SLCO3A1: variants seen among roughly 807,000 people sequenced by gnomAD.
SLCO3A1 encodes PGE1 transporter.
Under a neutral mutation model 63.1 loss-of-function variants are expected in SLCO3A1, and 27 were observed. The ratio of observed to expected loss-of-function variants is 0.43; its 90% CI spans 0.32 to 0.59. SLCO3A1 has a LOEUF of 0.59. Among genes scored for constraint, SLCO3A1 ranks in the 20% least tolerant of loss-of-function variants. The probability of loss-of-function intolerance (pLI) is 0.09; values close to 1 mark genes in which losing one functional copy is unlikely to be tolerated. For missense variants in SLCO3A1, 773 were observed against 945.8 expected, an observed-to-expected ratio of 0.82 and a Z score of 2.40; for synonymous variants, 473 against 409.9, an observed-to-expected ratio of 1.15 and a Z score of -1.86.
chr15:92,083,761 C>A (rs1231442830), intron 2 of SLCO3A1, among the ~76,000 whole-genome samples: 2 of 152,170 alleles, frequency 1.3e-5, no homozygotes, highest in Non-Finnish European at 2.9e-5. Context: ...GTGCTGTCAT[C>A]TTTGTAATAA....
intron 2 of SLCO3A1, among the ~76,000 whole-genome samples, chr15:91,924,366 T>A (rs1222123801): frequency 6.6e-6 from 1 of 152,170 alleles, no homozygotes; most frequent in South Asian, 2.1e-4. Flanking sequence ...TGAAATCTTC[T>A]CCAAGCCCTT....
chr15:91,903,673 C>A (rs1898218814), intron 1 of SLCO3A1, among the ~76,000 whole-genome samples: 1 of 152,114 alleles, frequency 6.6e-6, no homozygotes, highest in South Asian at 2.1e-4. Context: ...AGGCATATGT[C>A]CTACGCAGCT....
intron 2 of SLCO3A1, among the ~76,000 whole-genome samples, chr15:91,927,683 T>G (rs1899078694): frequency 6.6e-6 from 1 of 152,144 alleles, no homozygotes; most frequent in African/African-American, 2.4e-5. Context: ...GGCCAATGGG[T>G]GTGATTTCTC....
In SLCO3A1 at chr15:91,944,014, T is replaced by C. The variant is rs534702645; in HGVS notation, c.646+27556T>C. 1.2e-4 allele frequency among the ~76,000 whole-genome samples: 18 copies of C among 152,304 alleles called. No homozygotes were observed. In the South Asian group the frequency reaches 2.3e-3, roughly 19 times the overall value. Reference sequence around the variant, plus strand: ...ATTAGCTGCTCTTCATTGGAAACTTTTGAGCGTGCCATTTGCTACCTGCAC... The same window carrying C: ...ATTAGCTGCTCTTCATTGGAAACTTCTGAGCGTGCCATTTGCTACCTGCAC... On this transcript the variant is annotated intron_variant, in intron 2 of 9. Transcript: ENST00000318445.
intron 2 of SLCO3A1, among the ~76,000 whole-genome samples, chr15:91,921,018 G>T (rs528807739): frequency 6.6e-6 from 1 of 152,316 alleles, no homozygotes; most frequent in Admixed American, 6.5e-5. Flanking sequence ...GGGATATGGC[G>T]TTGTATTAGT....
intron 4 of SLCO3A1, among the ~76,000 whole-genome samples, chr15:92,110,374 C>G (rs207961): frequency 0.31 from 46,970 of 152,084 alleles, 7,348 homozygotes; most frequent in South Asian, 0.35. Flanking sequence ...CAGAACACAT[C>G]TGATCAAGTT....
chr15:92,072,289 A>G (rs2047225811), intron 2 of SLCO3A1, among the ~76,000 whole-genome samples: 1 of 151,194 alleles, frequency 6.6e-6, no homozygotes, highest in Admixed American at 6.6e-5. Context: ...TATTTACTCA[A>G]CCTTTGTTTT....
In SLCO3A1 at chr15:91,854,642, C is replaced by T. The variant is rs1280470565; in HGVS notation, c.180+554C>T. On this transcript the variant is annotated intron_variant, in intron 1 of 9. Coordinates refer to ENST00000318445, the MANE Select transcript of SLCO3A1 (RefSeq NM_013272.4). The surrounding 1 kb of genome is among the most constrained non-coding windows in gnomAD (Gnocchi z 6.4). ...CGCCCTAGTGTGGCCCTGGCCTGAG[C>T]CGGGGCTGCAGGGGGAATATTGCCA... 1.3e-5 allele frequency among the ~76,000 whole-genome samples: 2 copies of T among 152,144 alleles called. No individual in the cohort carries two copies. The highest frequency in any genetic ancestry group is 2.9e-5 in the Non-Finnish European group (2 of 68,018).
At chr15:92,047,455 A>AAT (rs1235365422) in intron 2 of SLCO3A1, among the ~76,000 whole-genome samples, 1 of 36,860 alleles carries the variant, frequency 2.7e-5, no homozygotes, top group Non-Finnish European at 5.2e-5. Flanking sequence ...ATAATATATA[A>AAT]ATATATATAA....
In SLCO3A1 at chr15:92,120,499, C is replaced by T. The variant is rs780429760; in HGVS notation, c.1044C>T (p.Asn348=). ...AGGTCACCAAGCACCTGCTCTCAAA[C>T]CCTGTGTTCACCTGCATCATCCTGG... ...IPKVTKHLLS[N]PVFTCIILAA... Residue 348 remains asparagine (N), a synonymous_variant, in exon 5 of 10, where the codon AAC becomes AAT. Coordinates refer to ENST00000318445, the MANE Select transcript of SLCO3A1 (RefSeq NM_013272.4). 3.1e-6 allele frequency: 5 copies of T among 1,614,160 alleles called. No homozygotes were observed. Among genetic ancestry groups the T allele is most frequent in the East Asian group, 4.5e-5 (2 of 44,880 alleles).
intron 2 of SLCO3A1, among the ~76,000 whole-genome samples, chr15:92,080,938 C>CTGTGTG (rs542459686): frequency 0.2 from 25,508 of 128,264 alleles, 3,018 homozygotes; most frequent in Non-Finnish European, 0.24. Flanking sequence ...TACATAGTAG[C>CTGTGTG]TGTGTGTGTG....
intron 2 of SLCO3A1, among the ~76,000 whole-genome samples, chr15:92,021,091 G>A (rs978024884): frequency 7.9e-5 from 12 of 152,178 alleles, no homozygotes; most frequent in South Asian, 6.2e-4. Context: ...ACATGTCTAA[G>A]TACTCAACAA....
intron 2 of SLCO3A1, among the ~76,000 whole-genome samples, chr15:91,960,562 C>G (rs1900407853): frequency 6.6e-6 from 1 of 152,178 alleles, no homozygotes; most frequent in Non-Finnish European, 1.5e-5. Context: ...AAACTCGTTC[C>G]TTTCAAATTA....
At chr15:92,015,750 A>G (rs1006690203) in intron 2 of SLCO3A1, among the ~76,000 whole-genome samples, 2 of 152,130 alleles carry the variant, frequency 1.3e-5, no homozygotes, top group Non-Finnish European at 2.9e-5. Context: ...ATTGCTGATG[A>G]TAAGACTGGT....
chr15:92,045,942 C>T lies in SLCO3A1; in HGVS notation c.647-48939C>T, dbSNP rs375262759. 1.6e-4 allele frequency among the ~76,000 whole-genome samples: 25 copies of T among 152,270 alleles called. No individual in the cohort carries two copies. In the East Asian group the frequency reaches 4.2e-3, roughly 26 times the overall value. On this transcript the variant is annotated intron_variant, in intron 2 of 9. Transcript: ENST00000318445. Reference sequence around the variant, plus strand: ...TCTAACTGGCATCGCTCTGTCCTCTCGTGATGGTGTTGACAGTACACCGGT... The same window carrying T: ...TCTAACTGGCATCGCTCTGTCCTCTTGTGATGGTGTTGACAGTACACCGGT...
chr15:91,948,265 C>G lies in SLCO3A1; in HGVS notation c.646+31807C>G, dbSNP rs1280684322. Among the ~76,000 whole-genome samples, 1 of 152,128 alleles carries G rather than the reference C, an allele frequency of 6.6e-6. No individual in the cohort carries two copies. The highest frequency in any genetic ancestry group is 1.5e-5 in the Non-Finnish European group (1 of 68,018). On this transcript the variant is annotated intron_variant, in intron 2 of 9. Coordinates refer to ENST00000318445, the MANE Select transcript of SLCO3A1 (RefSeq NM_013272.4). This position sits in a 1 kb window ranked among gnomAD's most constrained non-coding sequence, Gnocchi z 4.8. ...GCGCATGAGAATACAACCAGCTGGT[C>G]CCTCCACAGTGGGCTCAAATGTGAC...
rs1256492343 is a variant in SLCO3A1 at position 92,165,582 on chromosome 15, A to ATGTT, written c.*2448_*2451dup. On this transcript the variant is annotated 3_prime_UTR_variant, in exon 10 of 10. Transcript: ENST00000318445. Reference sequence around the variant, plus strand: ...AGATTTTAGGATGAATGTGAAAAAGATGTTAGAATAACAGGAAGACAACTC... The same window carrying ATGTT: ...AGATTTTAGGATGAATGTGAAAAAGATGTTTGTTAGAATAACAGGAAGACAACTC... 3 of 984,872 alleles carry ATGTT rather than the reference A, an allele frequency of 3.0e-6. No homozygotes were observed. The highest frequency in any genetic ancestry group is 2.3e-4 in the East Asian group (2 of 8,818). The allele number at this position is 984,872 out of a possible 1,614,324, so 61.0% of individuals were successfully genotyped here. A position where few individuals can be genotyped will look rare whatever the true frequency, so the allele number is the denominator to read the frequency against.
At position 91,885,650 on chromosome 15, in the gene SLCO3A1, C is replaced by T. The variant is rs1176554874; in HGVS notation, c.181-30343C>T. Reference sequence around the variant, plus strand: ...GGCCCTTGAACAAGTGCATCATTCTCTGTCCTTGATTTCATTCACAGTAGA... The same window carrying T: ...GGCCCTTGAACAAGTGCATCATTCTTTGTCCTTGATTTCATTCACAGTAGA... On this transcript the variant is annotated intron_variant, in intron 1 of 9. Transcript: ENST00000318445. The surrounding 1 kb of genome is among the most constrained non-coding windows in gnomAD (Gnocchi z 4.7). Among the ~76,000 whole-genome samples, 1 of 152,230 alleles carries T rather than the reference C, an allele frequency of 6.6e-6. No homozygotes were observed. Among genetic ancestry groups the T allele is most frequent in the Non-Finnish European group, 1.5e-5 (1 of 68,040 alleles).
chr15:92,151,144 A>C, intron 9 of SLCO3A1, 130 bp downstream of exon 9: 1 of 685,032 alleles, frequency 1.5e-6, no homozygotes, highest in Non-Finnish European at 2.4e-6. Flanking sequence ...TTAGTAAATA[A>C]GAAATTTTAA....
Sources: gnomAD v4.1 joint callset for allele counts (sites outside exome capture counted in the v4.1 genomes callset) on GRCh38, gnomAD v4.1.1 for gene constraint, Gnocchi (gnomAD v3.1) non-coding constraint, MANE v1.5 for transcripts, NCBI Gene and HGNC (gene_info 2026-07-23, HGNC 2026-07-21) for gene names.